Variants in HFM1 observed in about 807,000 individuals in gnomAD.
The protein encoded by HFM1 is probable ATP-dependent DNA helicase HFM1.
Under a neutral mutation model 192.1 loss-of-function variants are expected in HFM1, and 169 were observed. That is an observed-to-expected ratio of 0.88 (90% CI 0.78 to 1.00). The LOEUF is 1.00. Among genes scored for constraint, HFM1 ranks in the 50% least tolerant of loss-of-function variants. The pLI is 0.00. For synonymous variants in HFM1, 525 were observed against 537.8 expected (o/e 0.98, Z 0.33); for missense variants, 1,661 against 1,668.0 (o/e 1.00, Z 0.07).
chr1:91,404,118 G>C (rs903865254), intron 1 of HFM1, among the ~76,000 whole-genome samples: 1 of 152,148 alleles, frequency 6.6e-6, no homozygotes. Context: ...AAAAATCAAC[G>C]GGAACAAATT....
At chr1:91,311,802 G>A (rs183746071) in intron 30 of HFM1, among the ~76,000 whole-genome samples, 20 of 152,286 alleles carry the variant, frequency 1.3e-4, no homozygotes, top group East Asian at 3.9e-4. Context: ...AGATGTTTAC[G>A]GCAGCCCCTT....
At chr1:91,318,935 T>G (rs1198879531) in intron 25 of HFM1, 143 bp downstream of exon 25, 3 of 671,388 alleles carry the variant, frequency 4.5e-6, no homozygotes, top group Non-Finnish European at 7.0e-6. Flanking sequence ...AAAATCAGAT[T>G]TTCGAAAGTA....
chr1:91,353,299 C>T lies in HFM1; in HGVS notation c.1686G>A (p.Arg562=). 2 of 1,529,810 alleles carry T rather than the reference C, an allele frequency of 1.3e-6. No individual in the cohort carries two copies. The highest frequency in any genetic ancestry group is 1.8e-6 in the Non-Finnish European group (2 of 1,113,526). 94.8% of individuals were successfully genotyped at this position (1,529,810 alleles called of 1,614,324 possible). A position where few individuals can be genotyped will look rare whatever the true frequency, so the allele number is the denominator to read the frequency against. ...TTACGGAATATGCATACTTCTGTAA[C>T]CTATTTAAAAATACCATAAAATTAT... The part of the protein sequence containing the change: ...KFIMTVEQKQ[R]LQKYAYSVRD... The change falls in exon 14 of 39, where the codon AGG becomes AGA. Residue 562 remains arginine (R), a splice_region_variant and synonymous_variant. Transcript: ENST00000370425.
chr1:91,289,614 C>A (rs1231798801), intron 30 of HFM1, among the ~76,000 whole-genome samples: 1 of 152,184 alleles, frequency 6.6e-6, no homozygotes. Flanking sequence ...AATCCTGGCA[C>A]CTTGGGAGGC....
In HFM1 at chr1:91,354,572, G is replaced by C. The variant is rs115628505; in HGVS notation, c.1686-1273C>G. ...CAAAATGTGGAAAGTCAAAGACAAA[G>C]AGAGAATTTTAAAAGTAGCAAGAGA... On this transcript the variant is annotated intron_variant, in intron 13 of 38. Coordinates refer to ENST00000370425, the MANE Select transcript of HFM1 (RefSeq NM_001017975.6). Among the ~76,000 whole-genome samples, 277 of 152,184 alleles carry C rather than the reference G, an allele frequency of 1.8e-3. 1 individual carries two copies. Among genetic ancestry groups the C allele is most frequent in the African/African-American group, 6.3e-3 (262 of 41,562 alleles).
intron 30 of HFM1, among the ~76,000 whole-genome samples, chr1:91,299,372 C>T (rs1054752500): frequency 6.6e-6 from 1 of 152,134 alleles, no homozygotes; most frequent in Non-Finnish European, 1.5e-5. Flanking sequence ...TTAGACAGAT[C>T]AACAAGACAG....
At chr1:91,368,130 C>A (rs925338792) in intron 13 of HFM1, among the ~76,000 whole-genome samples, 1 of 152,150 alleles carries the variant, frequency 6.6e-6, no homozygotes, top group African/African-American at 2.4e-5. Flanking sequence ...ATTGGTGTAC[C>A]TGAAAGTGAC....
chr1:91,271,346 A>G (rs2100735401), intron 34 of HFM1, among the ~76,000 whole-genome samples: 1 of 152,304 alleles, frequency 6.6e-6, no homozygotes, highest in East Asian at 1.9e-4. Context: ...AGAGAAAGCC[A>G]GAGGCATGAG....
rs547163627 is a variant in HFM1 at position 91,368,188 on chromosome 1, G to T, written c.1685+7170C>A. Among the ~76,000 whole-genome samples the T allele has an allele frequency of 3.3e-5, 5 of 152,268 alleles. No homozygotes were observed. The East Asian group carries it at 9.6e-4, about 29-fold the overall frequency. ...AAAACTCTCTGCAGGATATTATCCA[G>T]GAGAACTTCTCCAATCTAGCAAGGC... On this transcript the variant is annotated intron_variant, in intron 13 of 38. Transcript: ENST00000370425.
chr1:91,346,855 G>A (rs1187065755), intron 19 of HFM1, among the ~76,000 whole-genome samples: 1 of 152,070 alleles, frequency 6.6e-6, no homozygotes, highest in Non-Finnish European at 1.5e-5. Flanking sequence ...GGGCATGGTC[G>A]CTCACAGCTA....
intron 34 of HFM1, among the ~76,000 whole-genome samples, chr1:91,272,728 A>T (rs1310982759): frequency 6.6e-6 from 1 of 152,022 alleles, no homozygotes; most frequent in Non-Finnish European, 1.5e-5. Flanking sequence ...TCCAGGTGAG[A>T]TTAGGGAACT....
At chr1:91,309,665 G>T (rs565709283) in intron 30 of HFM1, among the ~76,000 whole-genome samples, 7 of 152,224 alleles carry the variant, frequency 4.6e-5, no homozygotes, top group African/African-American at 1.7e-4. Context: ...GTATATAAAG[G>T]ATAGAAAATT....
intron 28 of HFM1, among the ~76,000 whole-genome samples, chr1:91,315,342 G>C (rs1198819786): frequency 6.6e-6 from 1 of 152,106 alleles, no homozygotes; most frequent in Non-Finnish European, 1.5e-5. Flanking sequence ...TTATAGAATG[G>C]CATGCTACAG....
intron 20 of HFM1, among the ~76,000 whole-genome samples, chr1:91,341,466 C>T (rs1246537949): frequency 6.6e-6 from 1 of 152,064 alleles, no homozygotes; most frequent in East Asian, 1.9e-4. Flanking sequence ...GCACTAAATG[C>T]TCACATCAAA....
intron 2 of HFM1, 47 bp from the exon 3 acceptor site, chr1:91,396,452 A>G (rs777880189): frequency 5.3e-6 from 5 of 940,894 alleles, no homozygotes; most frequent in Non-Finnish European, 6.5e-6. Context: ...TAAAGATATA[A>G]CATGAGAAGC....
intron 30 of HFM1, among the ~76,000 whole-genome samples, chr1:91,311,575 G>A (rs373178489): frequency 1.1e-4 from 17 of 151,388 alleles, no homozygotes; most frequent in East Asian, 7.8e-4. Flanking sequence ...GCAGCAAGCC[G>A]AGATCGTGCC....
chr1:91,395,384 G>A (rs1211290686), intron 3 of HFM1, among the ~76,000 whole-genome samples: 1 of 152,184 alleles, frequency 6.6e-6, no homozygotes, highest in Non-Finnish European at 1.5e-5. Flanking sequence ...ACGTATGTAT[G>A]TGTATTATAT....
intron 13 of HFM1, among the ~76,000 whole-genome samples, chr1:91,367,082 G>A (rs1039634499): frequency 2.0e-5 from 3 of 152,194 alleles, no homozygotes; most frequent in East Asian, 1.9e-4. Flanking sequence ...CATTGCCGAG[G>A]CTTGAGTAGG....
rs142764791 is a variant in HFM1 at position 91,380,936 on chromosome 1, A to G, written c.849T>C (p.Tyr283=). The G allele has an allele frequency of 1.2e-4, 168 of 1,459,424 alleles. 1 individual carries two copies. The highest frequency in any genetic ancestry group is 1.5e-4 in the Non-Finnish European group (156 of 1,041,564). The allele number at this position is 1,459,424 out of a possible 1,614,324, so 90.4% of individuals were successfully genotyped here. The change falls in exon 7 of 39, where the codon TAT becomes TAC. Residue 283 remains tyrosine (Y), a synonymous_variant. Transcript: ENST00000370425. The stretch of plus-strand genomic sequence containing the variant: ...CATCATCAAAGGCCTTGGACTGTAT[A>G]TAGTTGAAATATGGAAATTCTTTGA... ...SIFKEFPYFN[Y]IQSKAFDDLL... is the part of the protein sequence containing the mutation.
Sources: gnomAD v4.1 joint callset for allele counts (sites outside exome capture counted in the v4.1 genomes callset) on GRCh38, gnomAD v4.1.1 for gene constraint, MANE v1.5 for transcripts, NCBI Gene and HGNC (gene_info 2026-07-23, HGNC 2026-07-21) for gene names.